The following EPS8L2 variants were observed in gnomAD, a reference collection of about 807,000 sequenced individuals.
The protein encoded by EPS8L2 is EPS8 signaling adaptor L2.
EPS8L2 carries 81 observed loss-of-function variants against 99.4 expected under a neutral mutation model. The ratio of observed to expected loss-of-function variants is 0.82; its 90% confidence interval spans 0.68 to 0.98. The LOEUF is 0.98. Among genes scored for constraint, EPS8L2 ranks in the 50% least tolerant of loss-of-function variants. The pLI is 0.00. For missense variants in EPS8L2, 1,155 were observed against 968.8 expected (o/e 1.19, Z -2.55); for synonymous variants, 509 against 407.3 (o/e 1.25, Z -3.01).
In EPS8L2 at chr11:726,671, A is replaced by G. The variant is rs961484864; in HGVS notation, c.1987A>G (p.Lys663Glu). The change falls in exon 20 of 21, where the codon AAG becomes GAG. Residue 663 changes from lysine to glutamate, a missense_variant. By Grantham distance (56) the Lys-to-Glu change is moderately conservative. Transcript: ENST00000318562. Reference protein sequence around the residue: ...LTGPQLFSLNKEELKKVCGEE... With the variant: ...LTGPQLFSLNEEELKKVCGEE... ...CGGGCCGCAGCTCTTCTCCCTCAAC[A>G]AGGAGGAGCTGAAGAAAGTGTGCGG... 5 of 1,574,426 alleles carry G rather than the reference A, an allele frequency of 3.2e-6. No individual in the cohort carries two copies. Among genetic ancestry groups the G allele is most frequent in the Admixed American group, 3.7e-5 (2 of 53,436 alleles).
intron 3 of EPS8L2, chr11:709,948 C>G (rs1861839628): frequency 2.2e-6 from 1 of 451,084 alleles, no homozygotes. Context: ...GCCCCCACCT[C>G]CCCCCACTCT....
chr11:715,624 T>TC (rs1383696240), intron 4 of EPS8L2, among the ~76,000 whole-genome samples: 1 of 144,442 alleles, frequency 6.9e-6, no homozygotes, highest in Non-Finnish European at 1.5e-5. Context: ...TTTTGTTTTT[T>TC]TTTTTTTTTT....
intron 1 of EPS8L2, 189 bp downstream of exon 1, chr11:706,477 C>T (rs1181758004): frequency 6.6e-6 from 1 of 152,290 alleles, no homozygotes; most frequent in African/African-American, 2.4e-5. Flanking sequence ...CCCACCTCTC[C>T]TGGACGGGTC....
At chr11:722,836 C>G in intron 14 of EPS8L2, 31 bp downstream of exon 14, 3 of 1,466,458 alleles carry the variant, frequency 2.0e-6, no homozygotes. Context: ...CATCCCTACC[C>G]CAGCCCCAAC....
Position 724,685 on chromosome 11 carries a change from C to G in EPS8L2, c.1455-39C>G. ...CACTGCCCAGGTCTCAGAGGAGACC[C>G]CCACCAGACTGGGCCTCAGCCCCTC... On this transcript the variant is annotated intron_variant, in intron 15 of 20. Transcript: ENST00000318562. The surrounding 1 kb of genome is among the most constrained non-coding windows in gnomAD (Gnocchi z 5.5). 1 of 1,473,586 alleles carries G rather than the reference C, an allele frequency of 6.8e-7. No individual in the cohort carries two copies. The highest frequency in any genetic ancestry group is 9.5e-7 in the Non-Finnish European group (1 of 1,053,528). 91.3% of individuals were successfully genotyped at this position (1,473,586 alleles called of 1,614,324 possible). A position where few individuals can be genotyped will look rare whatever the true frequency, so the allele number is the denominator to read the frequency against.
Position 726,290 on chromosome 11 carries a change from G to A in EPS8L2, c.1754-14G>A, listed in dbSNP as rs1331737725. 6.3e-7 allele frequency: 1 copy of A among 1,595,074 alleles called. No homozygotes were observed. Among genetic ancestry groups the A allele is most frequent in the Non-Finnish European group, 8.5e-7 (1 of 1,171,508 alleles). On this transcript the variant is annotated splice_polypyrimidine_tract_variant and intron_variant, in intron 18 of 20. Transcript: ENST00000318562. ...GGCAAGGCAGCGGCGGGCCTGAGTC[G>A]CGCGCCCCCTCAGAGCTCATGCAGC...
chr11:716,179 C>T (rs1472894792), intron 4 of EPS8L2, among the ~76,000 whole-genome samples: 7 of 147,432 alleles, frequency 4.7e-5, no homozygotes, highest in African/African-American at 1.0e-4. Context: ...GACAGAGTCT[C>T]GCTCTGTCAC....
At chr11:721,751 A>C in intron 10 of EPS8L2, 60 bp downstream of exon 10, 1 of 1,469,444 alleles carries the variant, frequency 6.8e-7, no homozygotes, top group Non-Finnish European at 9.4e-7. Flanking sequence ...GGTGCAGGGG[A>C]CAGGGACGGG....
intron 4 of EPS8L2, among the ~76,000 whole-genome samples, chr11:716,391 G>C (rs1385240734): frequency 6.6e-6 from 1 of 151,738 alleles, no homozygotes; most frequent in Non-Finnish European, 1.5e-5. Context: ...TTTGTGATCT[G>C]CCTGCCTCAG....
chr11:719,347 G>A (rs891357143), intron 4 of EPS8L2, among the ~76,000 whole-genome samples: 8 of 151,524 alleles, frequency 5.3e-5, no homozygotes, highest in Non-Finnish European at 1.0e-4. Flanking sequence ...AGCTGTGCCA[G>A]CATTGTGCAC....
intron 4 of EPS8L2, among the ~76,000 whole-genome samples, chr11:714,169 C>G (rs1394473284): frequency 1.3e-5 from 2 of 151,716 alleles, no homozygotes; most frequent in Admixed American, 6.6e-5. Context: ...TCCGTGTTTT[C>G]TTTTATTTTT....
chr11:710,763 A>G (rs35626095), intron 4 of EPS8L2, among the ~76,000 whole-genome samples: 45,864 of 133,370 alleles, frequency 0.34, 7,088 homozygotes, highest in African/African-American at 0.4. Flanking sequence ...AGAGAGAAAG[A>G]GAGAAAGGGA....
At chr11:712,439 T>C (rs1249606506) in intron 4 of EPS8L2, among the ~76,000 whole-genome samples, 1 of 147,964 alleles carries the variant, frequency 6.8e-6, no homozygotes, top group Non-Finnish European at 1.5e-5. Context: ...CGAGCTGGGC[T>C]CCCGGTTGTC....
chr11:710,497 G>A lies in EPS8L2; in HGVS notation c.165+11G>A, dbSNP rs1861857543. On this transcript the variant is annotated intron_variant, in intron 4 of 20. Coordinates refer to ENST00000318562, the MANE Select transcript of EPS8L2 (RefSeq NM_022772.4). ...CAGTACCACGTCCAGGTAAGGCCCC[G>A]CCCCCAGGTAGGCTCCGCCCCCAGG... is the stretch of plus-strand genomic sequence containing the variant. The A allele has an allele frequency of 3.1e-6, 5 of 1,612,536 alleles. No homozygotes were observed. Among genetic ancestry groups the A allele is most frequent in the African/African-American group, 1.3e-5 (1 of 74,910 alleles).
chr11:722,253 G>C, intron 12 of EPS8L2, 88 bp downstream of exon 12: 1 of 1,546,544 alleles, frequency 6.5e-7, no homozygotes, highest in Non-Finnish European at 8.8e-7. Context: ...GGGGCAGCAG[G>C]TGCCCGCCTT....
intron 4 of EPS8L2, among the ~76,000 whole-genome samples, chr11:711,685 T>C (rs1861893504): frequency 6.6e-6 from 1 of 152,048 alleles, no homozygotes; most frequent in South Asian, 2.1e-4. Flanking sequence ...TCCAGCAGCC[T>C]GGGCAACAGA....
chr11:724,758 G>A lies in EPS8L2; in HGVS notation c.1489G>A (p.Val497Ile), dbSNP rs369088154. The change falls in exon 16 of 21, where the codon GTC becomes ATC. Residue 497 changes from valine to isoleucine, a missense_variant. Val to Ile is a conservative substitution (Grantham distance 29). Transcript: ENST00000318562. The surrounding 1 kb of genome is among the most constrained non-coding windows in gnomAD (Gnocchi z 5.5). ...YQPTPAMAKYVKILYDFTARN... is the reference protein window; with the variant it reads ...YQPTPAMAKYIKILYDFTARN... ...GCCAACACCAGCCATGGCCAAGTAC[G>A]TCAAGATCCTGTATGACTTCACAGC... The A allele has an allele frequency of 3.2e-5, 51 of 1,613,566 alleles. No individual in the cohort carries two copies. Among genetic ancestry groups the A allele is most frequent in the South Asian group, 5.5e-5 (5 of 91,088 alleles).
At position 709,580 on chromosome 11, in the gene EPS8L2, G is replaced by A; in HGVS notation, c.72G>A (p.Val24=). 6.2e-7 allele frequency: 1 copy of A among 1,613,116 alleles called. No individual in the cohort carries two copies. Among genetic ancestry groups the A allele is most frequent in the Non-Finnish European group, 8.5e-7 (1 of 1,179,958 alleles). ...GCAGCCTGGGCCGGTCCGACGGTGTGGCCAAGATGAGCCCCAAGGACCTGT... is the reference window on the plus strand; with the variant it reads ...GCAGCCTGGGCCGGTCCGACGGTGTAGCCAAGATGAGCCCCAAGGACCTGT... ...TNGSLGRSDG[V]AKMSPKDLFE... is the part of the protein sequence containing the mutation. The change falls in exon 3 of 21, where the codon GTG becomes GTA. Residue 24 remains valine, a synonymous_variant. Coordinates refer to ENST00000318562, the MANE Select transcript of EPS8L2 (RefSeq NM_022772.4).
In EPS8L2 at chr11:722,727, C is replaced by A; in HGVS notation, c.1263C>A (p.Ser421Arg). ...CCCTCTACGTGCCCAAGTTCCACAG[C>A]GGCTGGGAGCCTCCTGTGGATGTGC... ...QVPLYVPKFH[S>R]GWEPPVDVLQ... The change falls in exon 14 of 21, where the codon AGC (serine) becomes AGA (arginine). Residue 421 changes from serine (S) to arginine (R), a missense_variant. Transcript: ENST00000318562. 6.2e-7 allele frequency: 1 copy of A among 1,607,542 alleles called. No individual in the cohort carries two copies. The highest frequency in any genetic ancestry group is 8.5e-7 in the Non-Finnish European group (1 of 1,177,776).
Sources: gnomAD v4.1 joint callset for allele counts (sites outside exome capture counted in the v4.1 genomes callset) on GRCh38, gnomAD v4.1.1 for gene constraint, Gnocchi (gnomAD v3.1) non-coding constraint, MANE v1.5 for transcripts, NCBI Gene and HGNC (gene_info 2026-07-23, HGNC 2026-07-21) for gene names.